GCA: variants seen among roughly 807,000 people sequenced by gnomAD.
GCA encodes grancalcin.
Under a neutral mutation model 32.6 loss-of-function variants are expected in GCA, and 30 were observed. The ratio of observed to expected loss-of-function variants is 0.92; its 90% CI spans 0.69 to 1.25. The LOEUF is 1.25. GCA is among the 50% of genes most tolerant of loss of function. The pLI is 0.00. For synonymous variants in GCA, 102 were observed against 84.6 expected (o/e 1.21, Z -1.13); for missense variants, 291 against 266.8 (o/e 1.09, Z -0.63).
At chr2:162,331,079 C>T (rs768468805) in intron 1 of GCA, among the ~76,000 whole-genome samples, 10 of 152,198 alleles carry the variant, frequency 6.6e-5, no homozygotes, top group African/African-American at 9.6e-5. Context: ...AGTATTAGAC[C>T]GCACTTCAGC....
chr2:162,355,691 T>G (rs974655243), intron 3 of GCA, among the ~76,000 whole-genome samples: 6 of 152,012 alleles, frequency 3.9e-5, no homozygotes, highest in African/African-American at 1.4e-4. Context: ...TGTTAATATT[T>G]CAAATCACCC....
rs192424071 is a variant in GCA at position 162,363,077 on chromosome 2, T to C, written c.*2834T>C. 3.1e-3 allele frequency among the ~76,000 whole-genome samples: 466 copies of C among 151,618 alleles called. 7 individuals carry two copies. The highest frequency in any genetic ancestry group is 0.011 in the African/African-American group (439 of 41,492). ...GACATTAAGTTTGCCTGTAATCTTA[T>C]GGCATTACTAAACTGGACAAACAAA... On this transcript the variant is annotated 3_prime_UTR_variant, in exon 8 of 8. Transcript: ENST00000437150.
chr2:162,327,346 C>T (rs941508964), intron 1 of GCA, among the ~76,000 whole-genome samples: 4 of 152,062 alleles, frequency 2.6e-5, no homozygotes, highest in Non-Finnish European at 4.4e-5. Flanking sequence ...CTATCAGAAA[C>T]ATTGTGGGGG....
chr2:162,333,497 C>T (rs1046843781), intron 1 of GCA, among the ~76,000 whole-genome samples: 23 of 152,056 alleles, frequency 1.5e-4, no homozygotes, highest in African/African-American at 5.1e-4. Context: ...CAGAGTCCCT[C>T]TTCATCCTTA....
intron 1 of GCA, 100 bp downstream of exon 1, chr2:162,344,375 G>C: frequency 8.6e-7 from 1 of 1,159,074 alleles, no homozygotes; most frequent in South Asian, 1.3e-5. Context: ...CCTGCTCCCT[G>C]CGTCCGCGCC....
intron 1 of GCA, among the ~76,000 whole-genome samples, chr2:162,345,857 C>A (rs1334876189): frequency 1.3e-5 from 2 of 152,070 alleles, no homozygotes; most frequent in African/African-American, 4.8e-5. Flanking sequence ...GTTTATAAAT[C>A]CTGTTAAAGG....
intron 1 of GCA, among the ~76,000 whole-genome samples, chr2:162,328,958 A>G (rs1683983860): frequency 6.6e-6 from 1 of 152,114 alleles, no homozygotes; most frequent in Admixed American, 6.5e-5. Flanking sequence ...ACTCCGCATC[A>G]TTCTGCTTCT....
intron 7 of GCA, 127 bp from the exon 8 acceptor site, chr2:162,360,090 G>A: frequency 1.7e-6 from 1 of 605,060 alleles, no homozygotes; most frequent in Non-Finnish European, 2.9e-6. Flanking sequence ...ATATTTATTG[G>A]CTTGAATTAT....
intron 2 of GCA, among the ~76,000 whole-genome samples, chr2:162,351,048 A>T (rs1483012060): frequency 6.6e-6 from 1 of 152,152 alleles, no homozygotes; most frequent in Non-Finnish European, 1.5e-5. Flanking sequence ...ATAATGCTCT[A>T]TGAAAAACAC....
At chr2:162,371,224 T>C (rs1685931273) in intron 4 of GCA, 4 of 532,542 alleles carry the variant, frequency 7.5e-6, no homozygotes, top group South Asian at 4.7e-5. Flanking sequence ...TTCTCATTAC[T>C]GTTGGCCTAT....
rs537337754 is a variant in GCA at position 162,331,264 on chromosome 2, A to G, written c.-31+12039A>G. 5.9e-5 allele frequency among the ~76,000 whole-genome samples: 9 copies of G among 152,318 alleles called. No individual in the cohort carries two copies. In the East Asian group the frequency reaches 1.5e-3, roughly 26 times the overall value. On this transcript the variant is annotated intron_variant, in intron 1 of 4. Transcript: ENST00000429691. ...CAGTTAGGAATCTGTGCATCAGGTG[A>G]TTCAAATGTTTCACTGTTCTGCACT...
rs1387703501 is a variant in GCA at position 162,360,779 on chromosome 2, A to T, written c.*536A>T. ...AACTTAAAGATCTTTGTCTGTGAAG[A>T]AGAAAATTATCTCCCTAGTTCAATC... is the stretch of plus-strand genomic sequence containing the variant. On this transcript the variant is annotated 3_prime_UTR_variant, in exon 8 of 8. Transcript: ENST00000437150. The T allele has an allele frequency of 7.3e-7, 1 of 1,367,704 alleles. No homozygotes were observed. Among genetic ancestry groups the T allele is most frequent in the Non-Finnish European group, 9.5e-7 (1 of 1,054,030 alleles). The allele number at this position is 1,367,704 out of a possible 1,614,324, so 84.7% of individuals were successfully genotyped here. A position where few individuals can be genotyped will look rare whatever the true frequency, so the allele number is the denominator to read the frequency against.
chr2:162,360,414 C>G lies in GCA; in HGVS notation c.*171C>G. 1 of 1,253,082 alleles carries G rather than the reference C, an allele frequency of 8.0e-7. No homozygotes were observed. Among genetic ancestry groups the G allele is most frequent in the East Asian group, 3.1e-5 (1 of 32,414 alleles). The allele number at this position is 1,253,082 out of a possible 1,614,324, so 77.6% of individuals were successfully genotyped here. ...GATAGTTCAAAGCAATAAAAGATTT[C>G]TTTTTTAATTTGAGGTATTACTGCT... On this transcript the variant is annotated 3_prime_UTR_variant, in exon 8 of 8. Transcript: ENST00000437150.
At chr2:162,372,699 C>CT (rs1339456486), downstream of GCA, among the ~76,000 whole-genome samples, 1 of 152,058 alleles carries the variant, frequency 6.6e-6, no homozygotes, top group Non-Finnish European at 1.5e-5. Context: ...TCCCGAACAT[C>CT]TAAAAAAGTT....
chr2:162,373,098 T>C (rs1459030552), downstream of GCA, among the ~76,000 whole-genome samples: 1 of 152,170 alleles, frequency 6.6e-6, no homozygotes, highest in African/African-American at 2.4e-5. Context: ...TTTGAAGCTC[T>C]TTTGGGACCC....
At chr2:162,329,212 C>A (rs1396225054) in intron 1 of GCA, among the ~76,000 whole-genome samples, 2 of 152,002 alleles carry the variant, frequency 1.3e-5, no homozygotes, top group Non-Finnish European at 2.9e-5. Context: ...GGGGATGGAG[C>A]CCTAGCTAGG....
intron 1 of GCA, 162 bp downstream of exon 1, chr2:162,344,437 G>T: frequency 1.5e-6 from 1 of 680,850 alleles, no homozygotes; most frequent in South Asian, 1.8e-5. Flanking sequence ...GGGCCTGGGC[G>T]AGCATTGATC....
In GCA at chr2:162,361,589, T is replaced by C; in HGVS notation, c.*1346T>C. ...AACTTACAGAATTTTAAATCAGCCT[T>C]CACTTAAAAAAATCCTGGAAAGGAA... On this transcript the variant is annotated 3_prime_UTR_variant, in exon 8 of 8. Coordinates refer to ENST00000437150, the MANE Select transcript of GCA (RefSeq NM_012198.5). The C allele has an allele frequency of 1.0e-6, 1 of 982,026 alleles. No individual in the cohort carries two copies. Among genetic ancestry groups the C allele is most frequent in the Middle Eastern group, 5.3e-4 (1 of 1,904 alleles). The allele number at this position is 982,026 out of a possible 1,614,324, so 60.8% of individuals were successfully genotyped here.
chr2:162,356,840 C>A lies in GCA; in HGVS notation c.389C>A (p.Thr130Asn). The change falls in exon 5 of 8, where the codon ACT becomes AAT. Residue 130 changes from threonine (T) to asparagine (N), a missense_variant. Coordinates refer to ENST00000437150, the MANE Select transcript of GCA (RefSeq NM_012198.5). ...AATGCCTGGAAGGAAAACTTCATGA[C>A]TGTTGATCAAGATGGAAGTGGCACA... Reference protein sequence around the residue: ...ALNAWKENFMTVDQDGSGTVE... With the variant: ...ALNAWKENFMNVDQDGSGTVE... The A allele has an allele frequency of 6.2e-7, 1 of 1,610,068 alleles. No individual in the cohort carries two copies. Among genetic ancestry groups the A allele is most frequent in the Non-Finnish European group, 8.5e-7 (1 of 1,176,956 alleles).
Sources: allele counts gnomAD v4.1 joint callset (sites outside exome capture counted in the v4.1 genomes callset), GRCh38; gene constraint gnomAD v4.1.1; transcripts MANE v1.5; gene names NCBI Gene and HGNC (gene_info 2026-07-23, HGNC 2026-07-21).